POLR1A: variants seen among roughly 807,000 people sequenced by gnomAD.
The protein encoded by POLR1A is DNA-directed RNA polymerase I subunit RPA1.
POLR1A carries 84 observed loss-of-function variants against 205.3 expected under a neutral mutation model. The ratio of observed to expected loss-of-function variants is 0.41; its 90% confidence interval spans 0.34 to 0.49. The LOEUF is 0.49. Ranked by LOEUF, POLR1A falls within the 20% of genes least tolerant of loss-of-function variation. The pLI is 0.22. For synonymous variants in POLR1A, 799 were observed against 863.7 expected (o/e 0.93, Z 1.31); for missense variants, 1,645 against 2,204.5 (o/e 0.75, Z 5.08).
At position 86,043,078 on chromosome 2, in the gene POLR1A, T is replaced by C. The variant is rs748540606; in HGVS notation, c.3253A>G (p.Arg1085Gly). 1 of 1,614,194 alleles carries C rather than the reference T, an allele frequency of 6.2e-7. No homozygotes were observed. The highest frequency in any genetic ancestry group is 1.1e-5 in the South Asian group (1 of 91,086). Residue 1085 changes from arginine to glycine, a missense_variant, in exon 23 of 34, where the codon AGA becomes GGA. Physicochemically the swap from Arg to Gly is moderately radical, Grantham distance 125. This residue lies in a region of POLR1A where 201 missense variants were observed against 222.3 expected (regional missense o/e 0.90). Transcript: ENST00000263857. Reference protein sequence around the residue: ...WQSKHPNTLLRRGAFLSYSQK... With the variant: ...WQSKHPNTLLGRGAFLSYSQK... Reference sequence around the variant, plus strand: ...GAATAACTCAAGAAGGCGCCTCTTCTCAGCAGGGTGTTGGGGTGCTTGCTT... The same window carrying C: ...GAATAACTCAAGAAGGCGCCTCTTCCCAGCAGGGTGTTGGGGTGCTTGCTT...
In POLR1A at chr2:86,100,179, G is replaced by C. The variant is rs769294962; in HGVS notation, c.78-7C>G. The C allele has an allele frequency of 6.2e-7, 1 of 1,607,250 alleles. No individual in the cohort carries two copies. The highest frequency in any genetic ancestry group is 8.5e-7 in the Non-Finnish European group (1 of 1,173,766). ...GGATTTAACACTTAATTTCCTAAGG[G>C]GATAAAAAAGACCAAGAGGAAAGCT... On this transcript the variant is annotated splice_polypyrimidine_tract_variant and splice_region_variant and intron_variant, in intron 1 of 33. Transcript: ENST00000263857.
chr2:86,084,259 C>T (rs957828871), intron 6 of POLR1A, among the ~76,000 whole-genome samples: 1 of 152,012 alleles, frequency 6.6e-6, no homozygotes, highest in Non-Finnish European at 1.5e-5. Flanking sequence ...GAGCGAGACT[C>T]CGTCTCAGAA....
rs1553434457 is a variant in POLR1A, at chr2:86,050,052, G to C, written c.2393-810C>G. Among the ~76,000 whole-genome samples the C allele has an allele frequency of 3.9e-5, 6 of 152,080 alleles. No individual in the cohort carries two copies. In the South Asian group the frequency reaches 8.3e-4, roughly 21 times the overall value. On this transcript the variant is annotated intron_variant, in intron 16 of 33. Coordinates refer to ENST00000263857, the MANE Select transcript of POLR1A (RefSeq NM_015425.6). ...CCTGCCTCAGCCTCTCCAGTAGCTG[G>C]GACTACAGGTGCACGCCACCACACC...
At chr2:86,055,279 A>G (rs1672876505) in intron 14 of POLR1A, among the ~76,000 whole-genome samples, 1 of 148,282 alleles carries the variant, frequency 6.7e-6, no homozygotes, top group African/African-American at 2.5e-5. Flanking sequence ...TGGGTGAGAG[A>G]GTGGAACTCT....
At chr2:86,053,034 G>A (rs544403436) in intron 15 of POLR1A, 34 bp from the exon 16 acceptor site, 24 of 1,502,820 alleles carry the variant, frequency 1.6e-5, no homozygotes, top group African/African-American at 1.3e-4. Flanking sequence ...GCCGGGCTGC[G>A]GGTGATGCCT....
rs1690209315 is a variant in POLR1A at position 86,024,022 on chromosome 2, T to C, written c.*3401A>G. ...CCTCGGCCTCCCAACGTATTGGGAT[T>C]ACAGGTGTGAACGCCTGGCCTGGCC... On this transcript the variant is annotated 3_prime_UTR_variant, in exon 34 of 34. Transcript: ENST00000263857. The C allele has an allele frequency of 2.0e-5, 3 of 152,498 alleles. No homozygotes were observed. In the South Asian group the frequency reaches 6.2e-4, roughly 32 times the overall value. The allele number at this position is 152,498 out of a possible 1,614,324, so 9.4% of individuals were successfully genotyped here. A position where few individuals can be genotyped will look rare whatever the true frequency, so the allele number is the denominator to read the frequency against.
chr2:86,071,378 C>T lies in POLR1A; in HGVS notation c.1612-1106G>A, dbSNP rs149333986. Reference sequence around the variant, plus strand: ...CAATCATGGCTCACTGCAGCTTCAACCTTCTAGCCTCAAACGATCTTCCCG... The same window carrying T: ...CAATCATGGCTCACTGCAGCTTCAATCTTCTAGCCTCAAACGATCTTCCCG... On this transcript the variant is annotated intron_variant, in intron 12 of 33. Transcript: ENST00000263857. 5.3e-3 allele frequency among the ~76,000 whole-genome samples: 809 copies of T among 152,076 alleles called. 7 individuals carry two copies. Among genetic ancestry groups the T allele is most frequent in the Admixed American group, 8.7e-3 (133 of 15,262 alleles).
In POLR1A at chr2:86,024,582, C is replaced by T. The variant is rs1193176171; in HGVS notation, c.*2841G>A. ...ATGCTGATAGTGTTTCTGGTGAGAACCCAAAAAAGAGACACTAAAAAAAAT... is the reference window on the plus strand; with the variant it reads ...ATGCTGATAGTGTTTCTGGTGAGAATCCAAAAAAGAGACACTAAAAAAAAT... On this transcript the variant is annotated 3_prime_UTR_variant, in exon 34 of 34. Coordinates refer to ENST00000263857, the MANE Select transcript of POLR1A (RefSeq NM_015425.6). 2 of 152,050 alleles carry T rather than the reference C, an allele frequency of 1.3e-5. No individual in the cohort carries two copies. The highest frequency in any genetic ancestry group is 1.3e-4 in the Admixed American group (2 of 15,264). 9.4% of individuals were successfully genotyped at this position (152,050 alleles called of 1,614,324 possible).
At chr2:86,054,009 G>A in intron 15 of POLR1A, 131 bp downstream of exon 15, 2 of 833,700 alleles carry the variant, frequency 2.4e-6, no homozygotes, top group Non-Finnish European at 1.9e-6. Flanking sequence ...AACAACTCAG[G>A]CACAACGCCT....
At chr2:86,087,161 TA>T (rs1222244918) in intron 6 of POLR1A, among the ~76,000 whole-genome samples, 2 of 152,216 alleles carry the variant, frequency 1.3e-5, no homozygotes, top group Admixed American at 1.3e-4. Flanking sequence ...GCAAATGAAG[TA>T]AACAGTATTA....
chr2:86,094,448 C>T (rs757262095), intron 3 of POLR1A, among the ~76,000 whole-genome samples: 4 of 152,202 alleles, frequency 2.6e-5, no homozygotes, highest in Non-Finnish European at 4.4e-5. Flanking sequence ...GCACATACTT[C>T]CTTTCTGGCA....
chr2:86,061,361 G>A (rs1672992173), intron 14 of POLR1A, among the ~76,000 whole-genome samples: 2 of 152,204 alleles, frequency 1.3e-5, no homozygotes, highest in African/African-American at 4.8e-5. Flanking sequence ...GCAAGAGAAT[G>A]ACTTGAACCT....
intron 14 of POLR1A, among the ~76,000 whole-genome samples, chr2:86,060,120 A>T (rs539521585): frequency 6.6e-6 from 1 of 152,350 alleles, no homozygotes; most frequent in African/African-American, 2.4e-5. Context: ...CTACCATAGC[A>T]GTATCCAGGA....
chr2:86,027,413 G>A lies in POLR1A; in HGVS notation c.*10C>T, dbSNP rs143734343. ...TCCTTGGAGCTGGGCAGATGGTGCCGGGGTAGCTGCTATCTCAGAGGCTGC... is the reference window on the plus strand; with the variant it reads ...TCCTTGGAGCTGGGCAGATGGTGCCAGGGTAGCTGCTATCTCAGAGGCTGC... On this transcript the variant is annotated 3_prime_UTR_variant, in exon 34 of 34. Transcript: ENST00000263857. 227 of 1,610,374 alleles carry A rather than the reference G, an allele frequency of 1.4e-4. 1 individual carries two copies. In the African/African-American group the frequency reaches 2.0e-3, roughly 14 times the overall value.
chr2:86,027,821 G>C (rs1160990863), intron 33 of POLR1A, 64 bp downstream of exon 33: 4 of 1,554,970 alleles, frequency 2.6e-6, no homozygotes, highest in Non-Finnish European at 3.5e-6. Context: ...GATGCCCATG[G>C]GTGAGCCCGT....
Position 86,048,862 on chromosome 2 carries a change from A to G in POLR1A, c.2634+22T>C, listed in dbSNP as rs2289239. The G allele has an allele frequency of 0.48, 766,655 of 1,600,264 alleles. 196,428 individuals carry two copies. The highest frequency in any genetic ancestry group is 0.53 in the Non-Finnish European group (622,353 of 1,167,518). ...TCAGCATTCATAGTGGTGGGGATAA[A>G]TGCATGCAATGCTGGGCTAACCTTG... On this transcript the variant is annotated intron_variant, in intron 18 of 33. Transcript: ENST00000263857.
intron 6 of POLR1A, among the ~76,000 whole-genome samples, chr2:86,087,731 TG>T (rs1183576665): frequency 1.7e-5 from 2 of 118,164 alleles, no homozygotes; most frequent in African/African-American, 5.4e-5. Context: ...TTAGCAGAGA[TG>T]GGGTTTCACC....
At chr2:86,044,074 G>A (rs1395852041) in intron 22 of POLR1A, 65 bp downstream of exon 22, 1 of 1,537,412 alleles carries the variant, frequency 6.5e-7, no homozygotes, top group Non-Finnish European at 9.0e-7. Flanking sequence ...GCGCATTCCA[G>A]TTCTCTAACC....
At position 86,025,614 on chromosome 2, in the gene POLR1A, CGATGGTCA is replaced by C. The variant is rs1690260366; in HGVS notation, c.*1801_*1808del. On this transcript the variant is annotated 3_prime_UTR_variant, in exon 34 of 34. Transcript: ENST00000263857. ...ACAGGTCGGGGGTCTGATCTAAGTG[CGATGGTCA>C]CAGCCCTGCCAATATGCAGGGCTTG... 1 of 152,270 alleles carries C rather than the reference CGATGGTCA, an allele frequency of 6.6e-6. No homozygotes were observed. The highest frequency in any genetic ancestry group is 6.5e-5 in the Admixed American group (1 of 15,284). 9.4% of individuals were successfully genotyped at this position (152,270 alleles called of 1,614,324 possible).
Sources: allele counts gnomAD v4.1 joint callset (sites outside exome capture counted in the v4.1 genomes callset), GRCh38; gene constraint gnomAD v4.1.1; regional missense constraint gnomAD v4.1.1; transcripts MANE v1.5; gene names NCBI Gene and HGNC (gene_info 2026-07-23, HGNC 2026-07-21).